GALNTL6: variants seen among roughly 807,000 people sequenced by gnomAD.
GALNTL6 encodes the protein polypeptide N-acetylgalactosaminyltransferase like 6.
A neutral mutation model predicts 73.7 loss-of-function variants in GALNTL6; 46 were observed. That is an observed-to-expected ratio of 0.62 (90% CI 0.49 to 0.80). The LOEUF (loss-of-function observed/expected upper bound fraction) is 0.80. Ranked by LOEUF, GALNTL6 falls within the 30% of genes least tolerant of loss-of-function variation. The probability of loss-of-function intolerance (pLI) is 0.00; values close to 1 mark genes in which losing one functional copy is unlikely to be tolerated. For missense variants in GALNTL6, 604 were observed against 755.0 expected (o/e 0.80, Z 2.34); for synonymous variants, 259 against 263.7 (o/e 0.98, Z 0.17).
At chr4:172,023,558 A>T (rs924296819) in intron 2 of GALNTL6, among the ~76,000 whole-genome samples, 1 of 151,834 alleles carries the variant, frequency 6.6e-6, no homozygotes, top group African/African-American at 2.4e-5. Context: ...CAACTCTTTC[A>T]TGCTTTACTC....
At chr4:172,206,805 G>GTTTGT (rs1554003003) in intron 2 of GALNTL6, among the ~76,000 whole-genome samples, 1,379 of 26,060 alleles carry the variant, frequency 0.053, 289 homozygotes, top group South Asian at 0.11. Flanking sequence ...TTGTTTTTCT[G>GTTTGT]TTTTTTTTGT....
intron 10 of GALNTL6, among the ~76,000 whole-genome samples, chr4:172,989,373 A>G (rs1016086047): frequency 1.3e-5 from 2 of 151,298 alleles, no homozygotes; most frequent in African/African-American, 4.9e-5. Context: ...CTTTTGAGTT[A>G]ATGCTGAAAT....
intron 2 of GALNTL6, among the ~76,000 whole-genome samples, chr4:172,061,058 A>C (rs559188641): frequency 1.3e-5 from 2 of 152,314 alleles, no homozygotes; most frequent in East Asian, 3.9e-4. Flanking sequence ...ATACACATAC[A>C]TATTAATAAC....
chr4:172,609,322 A>G (rs1294461496), intron 5 of GALNTL6, among the ~76,000 whole-genome samples: 2 of 152,148 alleles, frequency 1.3e-5, no homozygotes, highest in Admixed American at 1.3e-4. Context: ...AATTTCTTCA[A>G]TGCCTACTTT....
chr4:172,068,939 C>T (rs1731431752), intron 2 of GALNTL6, among the ~76,000 whole-genome samples: 1 of 109,584 alleles, frequency 9.1e-6, no homozygotes, highest in African/African-American at 3.4e-5. Context: ...TGACTTTGTT[C>T]ATCCATCTCT....
At chr4:172,177,316 G>T (rs1377637494) in intron 2 of GALNTL6, among the ~76,000 whole-genome samples, 2 of 152,130 alleles carry the variant, frequency 1.3e-5, no homozygotes, top group East Asian at 3.9e-4. Context: ...TGAAGTAATT[G>T]AGTAATGATA....
intron 8 of GALNTL6, among the ~76,000 whole-genome samples, chr4:172,915,810 C>T (rs1171558973): frequency 6.6e-6 from 1 of 152,118 alleles, no homozygotes; most frequent in East Asian, 1.9e-4. Context: ...CGAATTCTAC[C>T]AGAGGTACAA....
At chr4:171,874,442 G>A (rs916172455) in intron 2 of GALNTL6, among the ~76,000 whole-genome samples, 14 of 152,082 alleles carry the variant, frequency 9.2e-5, no homozygotes, top group South Asian at 4.2e-4. Flanking sequence ...TGTCCATCTC[G>A]GCCTCCTAAA....
intron 2 of GALNTL6, among the ~76,000 whole-genome samples, chr4:172,057,453 C>T (rs548173236): frequency 1.3e-5 from 2 of 151,556 alleles, no homozygotes; most frequent in African/African-American, 4.8e-5. Flanking sequence ...ACTCAGGAGG[C>T]CAAAGCGGGA....
chr4:172,972,951 A>T (rs1468989435), intron 10 of GALNTL6, among the ~76,000 whole-genome samples: 2 of 152,214 alleles, frequency 1.3e-5, no homozygotes, highest in African/African-American at 2.4e-5. Context: ...GCACCAAATC[A>T]TGACTCTAGA....
At chr4:172,526,109 A>G (rs752802760) in intron 5 of GALNTL6, among the ~76,000 whole-genome samples, 16 of 152,208 alleles carry the variant, frequency 1.1e-4, no homozygotes, top group Non-Finnish European at 1.6e-4. Flanking sequence ...TAGAAATTCA[A>G]TAACTGATTA....
chr4:172,137,356 A>G (rs1733665660), intron 2 of GALNTL6, among the ~76,000 whole-genome samples: 1 of 152,214 alleles, frequency 6.6e-6, no homozygotes, highest in South Asian at 2.1e-4. Context: ...TGCAGGGGAA[A>G]TGCTATTTAA....
intron 5 of GALNTL6, among the ~76,000 whole-genome samples, chr4:172,765,993 T>C (rs1738383999): frequency 6.6e-6 from 1 of 152,072 alleles, no homozygotes; most frequent in Admixed American, 6.5e-5. Flanking sequence ...GGAAAACCAT[T>C]CAGGGGGATA....
chr4:172,101,197 C>A (rs952481250), intron 2 of GALNTL6, among the ~76,000 whole-genome samples: 1 of 152,100 alleles, frequency 6.6e-6, no homozygotes, highest in Admixed American at 6.6e-5. Context: ...AAAATGCTTC[C>A]TTTTCCTTCC....
chr4:172,025,318 G>A (rs896302294), intron 2 of GALNTL6, among the ~76,000 whole-genome samples: 31 of 151,836 alleles, frequency 2.0e-4, no homozygotes, highest in African/African-American at 7.5e-4. Flanking sequence ...ACGGCACCTC[G>A]CATAAAATCA....
At chr4:171,947,826 A>G (rs746448820) in intron 2 of GALNTL6, among the ~76,000 whole-genome samples, 10 of 152,212 alleles carry the variant, frequency 6.6e-5, no homozygotes, top group Non-Finnish European at 1.3e-4. Flanking sequence ...CCAGAGCCCT[A>G]TCAACTGAAA....
intron 5 of GALNTL6, among the ~76,000 whole-genome samples, chr4:172,726,753 G>A (rs1344911917): frequency 6.6e-6 from 1 of 152,154 alleles, no homozygotes; most frequent in Non-Finnish European, 1.5e-5. Context: ...ATCAGATAGT[G>A]TTCTAGGAGC....
At chr4:171,929,393 C>T (rs1203092879) in intron 2 of GALNTL6, among the ~76,000 whole-genome samples, 1 of 152,120 alleles carries the variant, frequency 6.6e-6, no homozygotes, top group East Asian at 1.9e-4. Context: ...GTCTTACAAT[C>T]GTTTAAACAT....
chr4:172,252,791 A>C (rs1402107258), intron 3 of GALNTL6, among the ~76,000 whole-genome samples: 2 of 151,968 alleles, frequency 1.3e-5, no homozygotes, highest in Non-Finnish European at 2.9e-5. Context: ...GCAGTGCCAC[A>C]GTGGGAGGAA....
Sources: allele counts gnomAD v4.1 joint callset (sites outside exome capture counted in the v4.1 genomes callset), GRCh38; gene constraint gnomAD v4.1.1; transcripts MANE v1.5; gene names NCBI Gene and HGNC (gene_info 2026-07-23, HGNC 2026-07-21).